LRRC69: variants seen among roughly 807,000 people sequenced by gnomAD.
The protein encoded by LRRC69 is leucine-rich repeat-containing protein 69.
In LRRC69, 42 loss-of-function variants were observed where a neutral mutation model predicts 37.8. The ratio of observed to expected loss-of-function variants is 1.11; its 90% CI spans 0.87 to 1.44. LRRC69 has a LOEUF of 1.44. LRRC69 is among the 40% of genes most tolerant of loss of function. The pLI is 0.00. For missense variants in LRRC69, 357 were observed against 401.9 expected, an observed-to-expected ratio of 0.89 and a Z score of 0.96; for synonymous variants, 141 against 143.1, an observed-to-expected ratio of 0.99 and a Z score of 0.11.
At chr8:91,116,560 CAT>C (rs1372501650) in intron 1 of LRRC69, among the ~76,000 whole-genome samples, 3 of 151,576 alleles carry the variant, frequency 2.0e-5, no homozygotes, top group African/African-American at 7.3e-5. Flanking sequence ...ATATTTGTAT[CAT>C]GTGCATATGT....
At chr8:91,103,603 G>A (rs1452756600) in intron 1 of LRRC69, among the ~76,000 whole-genome samples, 1 of 151,762 alleles carries the variant, frequency 6.6e-6, no homozygotes, top group Non-Finnish European at 1.5e-5. Context: ...AGCAGCTAAG[G>A]CGTTATAGCT....
At chr8:91,190,157 C>T (rs981998104) in intron 6 of LRRC69, among the ~76,000 whole-genome samples, 1 of 152,094 alleles carries the variant, frequency 6.6e-6, no homozygotes, top group Non-Finnish European at 1.5e-5. Flanking sequence ...TTTCTGAGAT[C>T]CATTTGGGTC....
intron 5 of LRRC69, among the ~76,000 whole-genome samples, chr8:91,163,144 T>C (rs1451168669): frequency 6.6e-6 from 1 of 151,370 alleles, no homozygotes; most frequent in Non-Finnish European, 1.5e-5. Context: ...CAGGAGAGCT[T>C]TTCCTCACAA....
At chr8:91,192,914 C>G (rs1292775467) in intron 6 of LRRC69, among the ~76,000 whole-genome samples, 2 of 152,088 alleles carry the variant, frequency 1.3e-5, no homozygotes, top group African/African-American at 4.8e-5. Context: ...GACATGAAGT[C>G]CTTGCCCAAG....
rs200496782 is a variant in LRRC69, at chr8:91,169,770, A to C, written c.652-19752A>C. Among the ~76,000 whole-genome samples, 84 of 129,782 alleles carry C rather than the reference A, an allele frequency of 6.5e-4. 2 individuals are homozygous for C. The highest frequency in any genetic ancestry group is 2.3e-3 in the African/African-American group (72 of 31,708). The allele number at this position is 129,782 out of a possible 152,430, so 85.1% of individuals were successfully genotyped here. Reference sequence around the variant, plus strand: ...TTCCCACCTATGAGTGAGAACATGCAGTGTTTGGTTTTTTGTTCTTGCGAT... The same window carrying C: ...TTCCCACCTATGAGTGAGAACATGCCGTGTTTGGTTTTTTGTTCTTGCGAT... On this transcript the variant is annotated intron_variant, in intron 5 of 7. Transcript: ENST00000448384.
chr8:91,139,863 C>T (rs552156697), intron 5 of LRRC69, among the ~76,000 whole-genome samples: 8 of 151,340 alleles, frequency 5.3e-5, no homozygotes, highest in Non-Finnish European at 1.2e-4. Context: ...CCGAAGTGGG[C>T]GGATCACCTC....
chr8:91,113,371 T>C (rs1309213682), intron 1 of LRRC69, among the ~76,000 whole-genome samples: 2 of 151,956 alleles, frequency 1.3e-5, no homozygotes, highest in Non-Finnish European at 2.9e-5. Context: ...AACAGACACA[T>C]AGACCAATGG....
rs1809480165 is a variant in LRRC69, at chr8:91,190,766, G to C, written c.753+1143G>C. On this transcript the variant is annotated intron_variant, in intron 6 of 7. Coordinates refer to ENST00000448384, the Ensembl canonical transcript of LRRC69. ...TGGCTTTTTAGCCTTTATAAACAAA[G>C]ATACAAGGCTGGGCACAGTGTCTCA... Among the ~76,000 whole-genome samples the C allele has an allele frequency of 2.0e-5, 3 of 152,052 alleles. No individual in the cohort carries two copies. In the South Asian group the frequency reaches 6.2e-4, roughly 32 times the overall value.
chr8:91,155,164 CAA>C (rs1423610671), intron 5 of LRRC69, among the ~76,000 whole-genome samples: 1 of 151,340 alleles, frequency 6.6e-6, no homozygotes, highest in African/African-American at 2.4e-5. Flanking sequence ...ATACAGCTAA[CAA>C]AGGATGTGAA....
intron 7 of LRRC69, among the ~76,000 whole-genome samples, chr8:91,201,635 C>T (rs2130630275): frequency 6.6e-6 from 1 of 152,046 alleles, no homozygotes; most frequent in South Asian, 2.1e-4. Context: ...TCTAGACTGT[C>T]TAATGTTTGC....
At chr8:91,157,480 G>A (rs988492283) in intron 5 of LRRC69, 97 of 1,593,626 alleles carry the variant, frequency 6.1e-5, no homozygotes, top group Non-Finnish European at 8.0e-5. Flanking sequence ...AAGTTTACAT[G>A]CAAATTGGAG....
At chr8:91,189,656 A>G (rs548000912) in intron 6 of LRRC69, 33 bp downstream of exon 6, 3 of 1,339,942 alleles carry the variant, frequency 2.2e-6, no homozygotes, top group African/African-American at 3.0e-5. Flanking sequence ...TAAGTCTTCA[A>G]ACTAAAGCCA....
intron 5 of LRRC69, among the ~76,000 whole-genome samples, chr8:91,151,717 C>A (rs992854836): frequency 6.6e-5 from 10 of 151,664 alleles, no homozygotes; most frequent in Non-Finnish European, 8.8e-5. Context: ...GAGGAATCAC[C>A]ACACTGTCTT....
At chr8:91,124,689 G>A in intron 2 of LRRC69, 70 bp downstream of exon 2, 1 of 1,315,542 alleles carries the variant, frequency 7.6e-7, no homozygotes, top group Admixed American at 3.4e-5. Context: ...ATATGAGACT[G>A]AAATGAAAAA....
intron 7 of LRRC69, among the ~76,000 whole-genome samples, chr8:91,214,133 G>GT (rs1457207079): frequency 5.3e-5 from 8 of 152,110 alleles, no homozygotes; most frequent in Non-Finnish European, 8.8e-5. Context: ...GTTTCCTACT[G>GT]TGGGTGTAAG....
intron 7 of LRRC69, chr8:91,209,531 T>C (rs975574355): frequency 6.6e-6 from 1 of 152,220 alleles, no homozygotes; most frequent in Non-Finnish European, 1.5e-5. Flanking sequence ...CCAAGCAATG[T>C]AGCTGTAAAA....
At chr8:91,179,798 G>A (rs139869671) in intron 5 of LRRC69, among the ~76,000 whole-genome samples, 121 of 152,224 alleles carry the variant, frequency 7.9e-4, no homozygotes, top group African/African-American at 1.6e-3. Context: ...ATAAGAAATC[G>A]TTCTTATGAA....
At chr8:91,143,487 T>C (rs1215823247) in intron 5 of LRRC69, among the ~76,000 whole-genome samples, 1 of 152,052 alleles carries the variant, frequency 6.6e-6, no homozygotes, top group Non-Finnish European at 1.5e-5. Context: ...AACATTCATG[T>C]GAATCTGTAG....
intron 6 of LRRC69, among the ~76,000 whole-genome samples, chr8:91,189,913 G>A (rs1252496189): frequency 6.6e-6 from 1 of 152,142 alleles, no homozygotes; most frequent in East Asian, 1.9e-4. Flanking sequence ...GTTATTTAAA[G>A]ATGTATTGAT....
Sources: allele counts gnomAD v4.1 joint callset (sites outside exome capture counted in the v4.1 genomes callset), GRCh38; gene constraint gnomAD v4.1.1; transcripts MANE v1.5; gene names NCBI Gene and HGNC (gene_info 2026-07-23, HGNC 2026-07-21).